The following PRDM1 variants were observed in gnomAD, a reference collection of about 807,000 sequenced individuals.
PRDM1 encodes the protein PR domain zinc finger protein 1.
PRDM1 carries 13 observed loss-of-function variants against 62.8 expected under a neutral mutation model. The ratio of observed to expected loss-of-function variants is 0.21; its 90% CI spans 0.13 to 0.33. The LOEUF is 0.33. Among genes scored for constraint, PRDM1 ranks in the 10% least tolerant of loss-of-function variants. The pLI is 1.00. For synonymous variants in PRDM1, 396 were observed against 417.6 expected (o/e 0.95, Z 0.63); for missense variants, 895 against 1,058.8 (o/e 0.85, Z 2.15).
chr6:106,076,755 G>A (rs1773611468), intron 1 of PRDM1, among the ~76,000 whole-genome samples: 1 of 152,166 alleles, frequency 6.6e-6, no homozygotes, highest in South Asian at 2.1e-4. Context: ...AAACTACTCT[G>A]CACATCCTAA....
chr6:106,076,117 A>G (rs1159283123), intron 1 of PRDM1, among the ~76,000 whole-genome samples: 2 of 151,892 alleles, frequency 1.3e-5, no homozygotes, highest in African/African-American at 4.8e-5. Flanking sequence ...ACACTTGGCT[A>G]ATTTTTATAT....
At chr6:106,039,824 C>A (rs1397988146) in intron 1 of PRDM1, among the ~76,000 whole-genome samples, 2 of 152,218 alleles carry the variant, frequency 1.3e-5, no homozygotes, top group African/African-American at 4.8e-5. Flanking sequence ...TTCTTGCTGA[C>A]ATCCCTGCCT....
At chr6:106,069,253 T>C (rs1773476444) in intron 1 of PRDM1, among the ~76,000 whole-genome samples, 1 of 152,094 alleles carries the variant, frequency 6.6e-6, no homozygotes, top group Non-Finnish European at 1.5e-5. Flanking sequence ...CTCCCAATAA[T>C]GTCTAGGTTT....
At chr6:106,001,406 G>GAT (rs756146797) in intron 1 of PRDM1, among the ~76,000 whole-genome samples, 1 of 152,022 alleles carries the variant, frequency 6.6e-6, no homozygotes, top group African/African-American at 2.4e-5. Context: ...AGAGTTTATC[G>GAT]TTTTGTCTTT....
At chr6:106,012,679 C>T (rs1289143591) in intron 1 of PRDM1, among the ~76,000 whole-genome samples, 3 of 152,134 alleles carry the variant, frequency 2.0e-5, no homozygotes, top group Admixed American at 6.5e-5. Context: ...GCTGGCAACT[C>T]CCCCTCTCCC....
chr6:106,066,004 A>G (rs571911480), intron 1 of PRDM1, among the ~76,000 whole-genome samples: 2 of 152,314 alleles, frequency 1.3e-5, no homozygotes, highest in East Asian at 1.9e-4. Flanking sequence ...GCCCTTGCCC[A>G]TGGAAGCTGA....
upstream of PRDM1, among the ~76,000 whole-genome samples, chr6:106,044,182 CT>C (rs201895794): frequency 2.0e-4 from 29 of 146,424 alleles, no homozygotes; most frequent in Non-Finnish European, 1.9e-4. Flanking sequence ...TTGTTCTTTC[CT>C]TTTTTTCTTT....
intron 1 of PRDM1, among the ~76,000 whole-genome samples, chr6:106,056,552 C>T (rs1163556293): frequency 2.0e-5 from 3 of 152,150 alleles, no homozygotes; most frequent in African/African-American, 7.2e-5. Flanking sequence ...TCAGAAACAG[C>T]AAGAGAAGCT....
intron 1 of PRDM1, among the ~76,000 whole-genome samples, chr6:106,064,249 A>G (rs1174765163): frequency 1.3e-5 from 2 of 152,186 alleles, no homozygotes; most frequent in East Asian, 3.9e-4. Context: ...AAGGCCCAAA[A>G]GCAGTTAGCC....
In PRDM1 at chr6:106,108,922, TTCTA is replaced by T. The variant is rs774754816; in HGVS notation, c.*1440_*1443del. 7.9e-5 allele frequency: 18 copies of T among 228,986 alleles called. No homozygotes were observed. The highest frequency in any genetic ancestry group is 1.8e-4 in the South Asian group (1 of 5,496). 14.2% of individuals were successfully genotyped at this position (228,986 alleles called of 1,614,324 possible). ...CTCCAGCAAGATAGACTTTGTGTTATTCTATCTTTTATTCTGCTAAGCCCAAAGA... is the reference window on the plus strand; with the variant it reads ...CTCCAGCAAGATAGACTTTGTGTTATTCTTTTATTCTGCTAAGCCCAAAGA... On this transcript the variant is annotated 3_prime_UTR_variant, in exon 7 of 7. Coordinates refer to ENST00000369096, the MANE Select transcript of PRDM1 (RefSeq NM_001198.4).
chr6:106,056,215 G>A (rs536147827), intron 1 of PRDM1, among the ~76,000 whole-genome samples: 1 of 152,166 alleles, frequency 6.6e-6, no homozygotes, highest in African/African-American at 2.4e-5. Context: ...TGGGCTACTG[G>A]CCTTCCCACT....
chr6:106,097,208 T>A (rs1774136234), intron 3 of PRDM1, among the ~76,000 whole-genome samples: 1 of 152,230 alleles, frequency 6.6e-6, no homozygotes, highest in Non-Finnish European at 1.5e-5. Flanking sequence ...GTCAATAACG[T>A]CTTCTCAGAA....
At chr6:105,999,748 T>C (rs1003804348) in intron 1 of PRDM1, among the ~76,000 whole-genome samples, 10 of 152,232 alleles carry the variant, frequency 6.6e-5, no homozygotes, top group Non-Finnish European at 1.2e-4. Flanking sequence ...TAAATATAAG[T>C]TATTGAGATT....
At chr6:106,100,521 C>A (rs1334410179) in intron 4 of PRDM1, 1 of 152,184 alleles carries the variant, frequency 6.6e-6, no homozygotes, top group Non-Finnish European at 1.5e-5. Flanking sequence ...TTTGCTTTAC[C>A]AGAAGGCTAA....
At chr6:106,098,947 A>G in intron 3 of PRDM1, 1 of 1,532,266 alleles carries the variant, frequency 6.5e-7, no homozygotes, top group East Asian at 2.4e-5. Context: ...AGTCAGTAGC[A>G]TCGCCCATTT....
intron 1 of PRDM1, among the ~76,000 whole-genome samples, chr6:106,050,246 A>C (rs549133888): frequency 1.3e-5 from 2 of 152,302 alleles, no homozygotes; most frequent in Admixed American, 1.3e-4. Context: ...TGTTACTCTA[A>C]GATTTCAGTA....
intron 1 of PRDM1, among the ~76,000 whole-genome samples, chr6:105,993,791 T>C (rs1007231010): frequency 4.6e-5 from 7 of 152,070 alleles, no homozygotes; most frequent in African/African-American, 1.5e-4. Context: ...GGCTCTGATA[T>C]CGCTTAATCT....
intron 1 of PRDM1, among the ~76,000 whole-genome samples, chr6:106,020,176 C>G (rs1278066569): frequency 3.7e-5 from 5 of 134,386 alleles, no homozygotes; most frequent in Non-Finnish European, 8.1e-5. Flanking sequence ...GAACGAGACT[C>G]TGTCTCAAAA....
At chr6:106,026,937 G>C (rs1241620852) in intron 1 of PRDM1, among the ~76,000 whole-genome samples, 1 of 152,136 alleles carries the variant, frequency 6.6e-6, no homozygotes, top group Non-Finnish European at 1.5e-5. Context: ...ATGGGAAAGA[G>C]AATGTAAGAT....
Sources: gnomAD v4.1 joint callset for allele counts (sites outside exome capture counted in the v4.1 genomes callset) on GRCh38, gnomAD v4.1.1 for gene constraint, MANE v1.5 for transcripts, NCBI Gene and HGNC (gene_info 2026-07-23, HGNC 2026-07-21) for gene names.